LRRC7: variants seen among roughly 807,000 people sequenced by gnomAD.
The protein encoded by LRRC7 is leucine-rich repeat-containing protein 7.
In LRRC7, 23 loss-of-function variants were observed where a neutral mutation model predicts 175.7. The ratio of observed to expected loss-of-function variants is 0.13; its 90% CI spans 0.09 to 0.19. The LOEUF is 0.19. Ranked by LOEUF, LRRC7 falls within the 10% of genes least tolerant of loss-of-function variation. The probability of loss-of-function intolerance (pLI) is 1.00; values close to 1 mark genes in which losing one functional copy is unlikely to be tolerated. For synonymous variants in LRRC7, 685 were observed against 680.9 expected, an observed-to-expected ratio of 1.01 and a Z score of -0.09; for missense variants, 1,354 against 1,904.7, an observed-to-expected ratio of 0.71 and a Z score of 5.38.
At chr1:69,960,786 G>C (rs1570810243) in intron 8 of LRRC7, among the ~76,000 whole-genome samples, 1 of 142,198 alleles carries the variant, frequency 7.0e-6, no homozygotes, top group Non-Finnish European at 1.5e-5. Context: ...ATCTCTTTAT[G>C]TTAAAAAAAA....
chr1:69,790,210 T>C (rs1267236431), intron 3 of LRRC7, among the ~76,000 whole-genome samples: 1 of 151,976 alleles, frequency 6.6e-6, no homozygotes, highest in Admixed American at 6.6e-5. Context: ...TTCAAAGATA[T>C]TACGTAACTT....
chr1:69,633,996 T>G (rs1423711937), intron 1 of LRRC7, among the ~76,000 whole-genome samples: 3 of 152,258 alleles, frequency 2.0e-5, no homozygotes, highest in African/African-American at 4.8e-5. Flanking sequence ...CTTTGTTTTC[T>G]GATCCAGTCT....
At chr1:69,965,061 G>A (rs1369879781) in intron 8 of LRRC7, among the ~76,000 whole-genome samples, 1 of 152,200 alleles carries the variant, frequency 6.6e-6, no homozygotes, top group Admixed American at 6.5e-5. Context: ...GACAGTTATG[G>A]TGCCTTCCTT....
chr1:70,058,821 T>C (rs1661356241), intron 23 of LRRC7, among the ~76,000 whole-genome samples: 1 of 152,222 alleles, frequency 6.6e-6, no homozygotes, highest in Non-Finnish European at 1.5e-5. Context: ...AAACATGTTA[T>C]TTTAAATTCA....
intron 5 of LRRC7, 78 bp from the exon 6 acceptor site, chr1:69,834,702 C>A: frequency 1.9e-6 from 2 of 1,029,778 alleles, no homozygotes; most frequent in Non-Finnish European, 3.0e-6. Context: ...TATTTTTTCT[C>A]CTCAGAGATA....
intron 7 of LRRC7, among the ~76,000 whole-genome samples, chr1:69,856,430 T>A (rs930239548): frequency 2.6e-5 from 4 of 151,984 alleles, no homozygotes; most frequent in Admixed American, 6.6e-5. Flanking sequence ...ATAAAGGAGA[T>A]ACCACTACTG....
chr1:69,837,181 A>G (rs745780066), intron 6 of LRRC7, among the ~76,000 whole-genome samples: 4 of 151,948 alleles, frequency 2.6e-5, no homozygotes, highest in Non-Finnish European at 5.9e-5. Context: ...TTCTTTTCAC[A>G]TGATTTCCCC....
At chr1:69,940,853 G>T (rs148338854) in intron 8 of LRRC7, among the ~76,000 whole-genome samples, 1 of 151,824 alleles carries the variant, frequency 6.6e-6, no homozygotes, top group Non-Finnish European at 1.5e-5. Context: ...GCCTAAAATC[G>T]AATTAATAGA....
intron 4 of LRRC7, among the ~76,000 whole-genome samples, chr1:69,823,829 T>G (rs1391589407): frequency 6.6e-6 from 1 of 152,116 alleles, no homozygotes; most frequent in East Asian, 1.9e-4. Context: ...TCACTACAAC[T>G]CTATGATAAA....
rs1215136414 is a variant in LRRC7, at chr1:69,760,091, T to C, written c.101-100T>C. On this transcript the variant is annotated intron_variant, in intron 2 of 26. Transcript: ENST00000651989. Reference sequence around the variant, plus strand: ...TCCTACTTTAAAGTATTCTAGACTGTATACCAAAATTAAATTTCTAAGCTT... The same window carrying C: ...TCCTACTTTAAAGTATTCTAGACTGCATACCAAAATTAAATTTCTAAGCTT... The C allele has an allele frequency of 5.9e-6, 7 of 1,195,080 alleles. No homozygotes were observed. In the East Asian group the frequency reaches 1.3e-4, roughly 22 times the overall value. 74.0% of individuals were successfully genotyped at this position (1,195,080 alleles called of 1,614,324 possible). A position where few individuals can be genotyped will look rare whatever the true frequency, so the allele number is the denominator to read the frequency against.
chr1:69,903,780 G>A (rs1018794042), intron 7 of LRRC7, among the ~76,000 whole-genome samples: 5 of 152,184 alleles, frequency 3.3e-5, no homozygotes, highest in African/African-American at 1.2e-4. Context: ...GAAGAAAAGA[G>A]AGAAGAATCA....
At chr1:69,645,273 A>G (rs1458380049) in intron 1 of LRRC7, among the ~76,000 whole-genome samples, 3 of 152,098 alleles carry the variant, frequency 2.0e-5, no homozygotes, top group Admixed American at 6.6e-5. Context: ...ATGCAAGTTC[A>G]ATATAAAATA....
chr1:69,907,240 A>G (rs890383502), intron 7 of LRRC7, among the ~76,000 whole-genome samples: 2 of 152,152 alleles, frequency 1.3e-5, no homozygotes, highest in Admixed American at 6.5e-5. Context: ...TTCCTAATCG[A>G]ATACCCTTTA....
At chr1:69,720,134 C>A (rs888773477) in intron 2 of LRRC7, among the ~76,000 whole-genome samples, 1 of 151,608 alleles carries the variant, frequency 6.6e-6, no homozygotes, top group African/African-American at 2.4e-5. Flanking sequence ...GGGTTTATAT[C>A]TATCATGTTA....
intron 8 of LRRC7, among the ~76,000 whole-genome samples, chr1:69,947,318 A>C (rs192124171): frequency 2.6e-5 from 4 of 151,960 alleles, no homozygotes; most frequent in South Asian, 2.1e-4. Context: ...TCCCTGTCTT[A>C]TAACTTTTTT....
At chr1:70,023,425 G>T in intron 17 of LRRC7, 51 bp downstream of exon 17, 1 of 1,480,954 alleles carries the variant, frequency 6.8e-7, no homozygotes, top group Non-Finnish European at 9.0e-7. Context: ...AGGCAACCTT[G>T]GAACAGTGGT....
rs554539895 is a variant in LRRC7 at position 70,129,676 on chromosome 1, A to G, written c.*7789A>G. Among the ~76,000 whole-genome samples, 309 of 152,334 alleles carry G rather than the reference A, an allele frequency of 2.0e-3. 2 individuals carry two copies. The highest frequency in any genetic ancestry group is 3.7e-3 in the Non-Finnish European group (252 of 68,034). On this transcript the variant is annotated 3_prime_UTR_variant, in exon 27 of 27. Coordinates refer to ENST00000651989, the MANE Select transcript of LRRC7 (RefSeq NM_001370785.2). The stretch of plus-strand genomic sequence containing the variant: ...AATGCAAGGAGTTGAACAATCATTC[A>G]GCTGGCTGCATTTCATGTTTATTTA...
rs1232392411 is a variant in LRRC7 at position 70,038,695 on chromosome 1, T to G, written c.2871T>G (p.Ser957=). 3.1e-6 allele frequency: 5 copies of G among 1,614,030 alleles called. No homozygotes were observed. Among genetic ancestry groups the G allele is most frequent in the African/African-American group, 1.3e-5 (1 of 74,930 alleles). ...FSQIHCRPES[S]KGVISISKST... ...AAATCCACTGCCGCCCGGAATCTTC[T>G]AAAGGTGTTATTTCAATTAGCAAAA... Residue 957 remains serine (S), a synonymous_variant, in exon 21 of 27, where the codon TCT becomes TCG. Transcript: ENST00000651989.
rs548733259 is a variant in LRRC7 at position 69,824,718 on chromosome 1, A to G, written c.422-1030A>G. Among the ~76,000 whole-genome samples, 204 of 152,244 alleles carry G rather than the reference A, an allele frequency of 1.3e-3. 1 individual carries two copies. Among genetic ancestry groups the G allele is most frequent in the Admixed American group, 6.3e-3 (96 of 15,270 alleles). Reference sequence around the variant, plus strand: ...AAAAGGTGGAATATTTTGTTTCTTGAGTATCCATCATCAAAAAGTTCAATT... The same window carrying G: ...AAAAGGTGGAATATTTTGTTTCTTGGGTATCCATCATCAAAAAGTTCAATT... On this transcript the variant is annotated intron_variant, in intron 4 of 26. Transcript: ENST00000651989.
Sources: gnomAD v4.1 joint callset for allele counts (sites outside exome capture counted in the v4.1 genomes callset) on GRCh38, gnomAD v4.1.1 for gene constraint, MANE v1.5 for transcripts, NCBI Gene and HGNC (gene_info 2026-07-23, HGNC 2026-07-21) for gene names.